The following FRMD5 variants were observed in gnomAD, a reference collection of about 807,000 sequenced individuals.
FRMD5 encodes the protein FERM domain containing 5.
Under a neutral mutation model 69.0 loss-of-function variants are expected in FRMD5, and 20 were observed. That is an observed-to-expected ratio of 0.29 (90% CI 0.20 to 0.42). The LOEUF (loss-of-function observed/expected upper bound fraction) is 0.42. Ranked by LOEUF, FRMD5 falls within the 10% of genes least tolerant of loss-of-function variation. The pLI, the probability that FRMD5 is intolerant of heterozygous loss-of-function variation, is 1.00. For synonymous variants in FRMD5, 271 were observed against 260.1 expected (o/e 1.04, Z -0.40); for missense variants, 595 against 708.6 (o/e 0.84, Z 1.82).
At chr15:44,183,618 C>A (rs2078048575) in intron 1 of FRMD5, among the ~76,000 whole-genome samples, 1 of 152,188 alleles carries the variant, frequency 6.6e-6, no homozygotes, top group Non-Finnish European at 1.5e-5. Flanking sequence ...GTCACCCCCA[C>A]ATGGAGGCCA....
At chr15:43,947,943 G>A (rs2089972028) in intron 1 of FRMD5, among the ~76,000 whole-genome samples, 1 of 152,144 alleles carries the variant, frequency 6.6e-6, no homozygotes, top group Admixed American at 6.5e-5. Context: ...TCCCACAGGT[G>A]TAGATCCTGA....
Position 43,873,138 on chromosome 15 carries a change from C to T in FRMD5, c.*747G>A. On this transcript the variant is annotated 3_prime_UTR_variant, in exon 14 of 14. Coordinates refer to ENST00000417257, the MANE Select transcript of FRMD5 (RefSeq NM_032892.5). ...TCATTATACAAAACTATGGTGATGC[C>T]CACTAGGCTCTAGACTAAGGGGACA... is the stretch of plus-strand genomic sequence containing the variant. 1 of 1,532,006 alleles carries T rather than the reference C, an allele frequency of 6.5e-7. No homozygotes were observed. The highest frequency in any genetic ancestry group is 8.8e-7 in the Non-Finnish European group (1 of 1,131,168). The allele number at this position is 1,532,006 out of a possible 1,614,324, so 94.9% of individuals were successfully genotyped here.
intron 11 of FRMD5, among the ~76,000 whole-genome samples, chr15:43,885,290 A>T (rs542139197): frequency 1.4e-4 from 21 of 152,220 alleles, no homozygotes; most frequent in Admixed American, 5.2e-4. Flanking sequence ...CTCCCACCTC[A>T]GCCTCCCAAG....
intron 12 of FRMD5, 90 bp downstream of exon 12, chr15:43,884,637 G>A (rs570129634): frequency 7.8e-5 from 91 of 1,172,258 alleles, no homozygotes; most frequent in Admixed American, 7.7e-4. Flanking sequence ...GTAGCCACTG[G>A]AGCCAGGGGC....
intron 13 of FRMD5, among the ~76,000 whole-genome samples, chr15:43,881,048 C>A (rs537323697): frequency 6.6e-6 from 1 of 152,352 alleles, no homozygotes; most frequent in South Asian, 2.1e-4. Flanking sequence ...TGTCTCTACA[C>A]AGAGAGCCTC....
At chr15:43,974,687 A>G (rs187862402) in intron 1 of FRMD5, among the ~76,000 whole-genome samples, 126 of 152,356 alleles carry the variant, frequency 8.3e-4, no homozygotes, top group African/African-American at 2.8e-3. Context: ...CAAAATAACT[A>G]TTCACAAATT....
chr15:44,030,467 A>T (rs1295687072), intron 1 of FRMD5, among the ~76,000 whole-genome samples: 2 of 152,178 alleles, frequency 1.3e-5, no homozygotes, highest in South Asian at 4.1e-4. Flanking sequence ...GCACTACTTT[A>T]TGTGTTAATG....
chr15:44,029,683 G>A (rs1566908059), intron 1 of FRMD5, among the ~76,000 whole-genome samples: 1 of 152,172 alleles, frequency 6.6e-6, no homozygotes, highest in African/African-American at 2.4e-5. Context: ...TTCAATCACT[G>A]TACTTTCCAC....
chr15:44,027,646 T>G (rs985898242), intron 1 of FRMD5, among the ~76,000 whole-genome samples: 3 of 29,204 alleles, frequency 1.0e-4, no homozygotes, highest in South Asian at 1.0e-3. Flanking sequence ...CTAGTTTTTT[T>G]TTTTGTTTTT....
chr15:44,189,582 G>A (rs1050532304), intron 1 of FRMD5, among the ~76,000 whole-genome samples: 3 of 151,228 alleles, frequency 2.0e-5, no homozygotes, highest in Non-Finnish European at 4.4e-5. Flanking sequence ...TCCACCTCCC[G>A]GGTTCAAGCA....
intron 1 of FRMD5, among the ~76,000 whole-genome samples, chr15:43,969,558 C>T (rs902172611): frequency 6.6e-6 from 1 of 152,188 alleles, no homozygotes; most frequent in Non-Finnish European, 1.5e-5. Context: ...GGTGGAACTT[C>T]TTCATATAAA....
At position 43,874,121 on chromosome 15, in the gene FRMD5, G is replaced by T. The variant is rs1465891963; in HGVS notation, c.1477C>A (p.Gln493Lys). The stretch of plus-strand genomic sequence containing the variant: ...ACACTTAGAACAAACTTATTCACCT[G>T]TTCCTCCTCGGGCCCGCTGTGCCCC... ...CQGHSGPEEE[Q>K]VNKFVLSVLR... The change falls in exon 14 of 14, where the codon CAG becomes AAG. Residue 493 changes from glutamine to lysine, a missense_variant. By Grantham distance (53) the Gln-to-Lys change is moderately conservative (BLOSUM62 1). This residue lies in a region of FRMD5 where 245 missense variants were observed against 227.1 expected (regional missense o/e 1.08). Coordinates refer to ENST00000417257, the MANE Select transcript of FRMD5 (RefSeq NM_032892.5). 6.2e-7 allele frequency: 1 copy of T among 1,614,190 alleles called. No individual in the cohort carries two copies. Among genetic ancestry groups the T allele is most frequent in the Admixed American group, 1.7e-5 (1 of 60,028 alleles).
rs149771968 is a variant in FRMD5 at position 44,186,053 on chromosome 15, G to C, written c.102+8900C>G. On this transcript the variant is annotated intron_variant, in intron 1 of 13. Transcript: ENST00000417257. ...AACGATTCTCCTGCCTCAGCCTCCA[G>C]AGTAGCTGGGATTACAGGCATGCGT... 7.9e-4 allele frequency among the ~76,000 whole-genome samples: 120 copies of C among 152,178 alleles called. No homozygotes were observed. In the East Asian group the frequency reaches 9.7e-3, roughly 12 times the overall value.
chr15:44,195,090 G>T lies in FRMD5; in HGVS notation c.-36C>A. The T allele has an allele frequency of 4.9e-6, 7 of 1,442,778 alleles. No individual in the cohort carries two copies. The highest frequency in any genetic ancestry group is 6.4e-6 in the Non-Finnish European group (7 of 1,091,870). 89.4% of individuals were successfully genotyped at this position (1,442,778 alleles called of 1,614,324 possible). A position where few individuals can be genotyped will look rare whatever the true frequency, so the allele number is the denominator to read the frequency against. On this transcript the variant is annotated 5_prime_UTR_variant, in exon 1 of 14. Transcript: ENST00000417257. ...GCCCGCCCGGGAGCGACGCGGCGGCGCTGCGGACCCTGGACCAGGCGTCCC... is the reference window on the plus strand; with the variant it reads ...GCCCGCCCGGGAGCGACGCGGCGGCTCTGCGGACCCTGGACCAGGCGTCCC...
At chr15:44,031,873 CTATAGAT>C (rs1477313576) in intron 1 of FRMD5, among the ~76,000 whole-genome samples, 1 of 152,112 alleles carries the variant, frequency 6.6e-6, no homozygotes, top group Non-Finnish European at 1.5e-5. Flanking sequence ...TGCTCCAACT[CTATAGAT>C]TATAGATGCA....
chr15:44,172,358 C>T (rs1387596119), intron 1 of FRMD5, among the ~76,000 whole-genome samples: 1 of 151,280 alleles, frequency 6.6e-6, no homozygotes, highest in African/African-American at 2.4e-5. Flanking sequence ...AAGCCATCCT[C>T]CTGCCTTGGC....
intron 1 of FRMD5, among the ~76,000 whole-genome samples, chr15:44,167,046 C>T (rs553406021): frequency 6.6e-6 from 1 of 152,178 alleles, no homozygotes; most frequent in East Asian, 1.9e-4. Flanking sequence ...TTTTCTGAGA[C>T]TTCTATTTCT....
chr15:43,920,581 T>C (rs2089476772), intron 2 of FRMD5, among the ~76,000 whole-genome samples: 1 of 152,208 alleles, frequency 6.6e-6, no homozygotes, highest in Admixed American at 6.5e-5. Flanking sequence ...TAATTCTACA[T>C]GGGTCCTTTA....
intron 1 of FRMD5, among the ~76,000 whole-genome samples, chr15:44,170,247 A>ACACCTAAT (rs2077777351): frequency 2.0e-5 from 3 of 152,166 alleles, no homozygotes; most frequent in Admixed American, 2.0e-4. Context: ...TAATTAGGCC[A>ACACCTAAT]GACATGGTGG....
Sources: gnomAD v4.1 joint callset for allele counts (sites outside exome capture counted in the v4.1 genomes callset) on GRCh38, gnomAD v4.1.1 for gene constraint, gnomAD v4.1.1 regional missense constraint, MANE v1.5 for transcripts, NCBI Gene and HGNC (gene_info 2026-07-23, HGNC 2026-07-21) for gene names.